Variants in NMNAT1 observed in about 807,000 individuals in gnomAD.
NMNAT1 encodes the protein nicotinamide nucleotide adenylyltransferase 1, also known as nicotinamide/nicotinic acid mononucleotide adenylyltransferase 1.
In NMNAT1, 11 loss-of-function variants were observed where a neutral mutation model predicts 16.7. The observed-to-expected ratio is 0.66, with a 90% CI of 0.41 to 1.09. The LOEUF is 1.09. Ranked by LOEUF, NMNAT1 falls within the 50% of genes least tolerant of loss-of-function variation. The probability of loss-of-function intolerance (pLI) is 0.00; values close to 1 mark genes in which losing one functional copy is unlikely to be tolerated. For missense variants in NMNAT1, 280 were observed against 332.3 expected (o/e 0.84, Z 1.22); for synonymous variants, 110 against 119.8 (o/e 0.92, Z 0.53).
rs6143117 is a variant in NMNAT1 at position 9,968,080 on chromosome 1, G to GTTTTTTTTTTTTTTTTTTTTTTTTT, written c.-56-3929_-56-3928insTTTTTTTTTTTTTTTTTTTTTTTTT. On this transcript the variant is annotated intron_variant, in intron 1 of 4. Coordinates refer to ENST00000377205, the MANE Select transcript of NMNAT1 (RefSeq NM_022787.4). ...TTTGCCAAATGTAGTTTTTTTTTTT[G>GTTTTTTTTTTTTTTTTTTTTTTTTT]TTTTTTTTTGAGATGGAGTCTCGCT... is the stretch of plus-strand genomic sequence containing the variant. Among the ~76,000 whole-genome samples the GTTTTTTTTTTTTTTTTTTTTTTTTT allele has an allele frequency of 1.1e-4, 13 of 117,804 alleles. 1 individual carries two copies. The highest frequency in any genetic ancestry group is 1.7e-4 in the Non-Finnish European group (10 of 58,770). The allele number at this position is 117,804 out of a possible 152,430, so 77.3% of individuals were successfully genotyped here. A position where few individuals can be genotyped will look rare whatever the true frequency, so the allele number is the denominator to read the frequency against.
upstream of NMNAT1, chr1:9,943,107 C>T (rs963093370): frequency 1.1e-5 from 2 of 183,098 alleles, no homozygotes; most frequent in African/African-American, 2.3e-5. Flanking sequence ...AGAATCAGCT[C>T]CGGCCACCGC....
chr1:9,982,350 T>G lies in NMNAT1; in HGVS notation c.489T>G (p.Phe163Leu). The G allele has an allele frequency of 6.2e-7, 1 of 1,614,206 alleles. No homozygotes were observed. The highest frequency in any genetic ancestry group is 8.5e-7 in the Non-Finnish European group (1 of 1,180,032). Reference protein sequence around the residue: ...LLCGADLLESFAVPNLWKSED... With the variant: ...LLCGADLLESLAVPNLWKSED... Reference sequence around the variant, plus strand: ...GTGGGGCAGATTTATTGGAGTCCTTTGCTGTTCCCAATTTGTGGAAGAGTG... The same window carrying G: ...GTGGGGCAGATTTATTGGAGTCCTTGGCTGTTCCCAATTTGTGGAAGAGTG... The change falls in exon 5 of 5, where the codon TTT becomes TTG. Residue 163 changes from phenylalanine (F) to leucine (L), a missense_variant. Phe to Leu is a conservative substitution (Grantham distance 22). Coordinates refer to ENST00000377205, the MANE Select transcript of NMNAT1 (RefSeq NM_022787.4).
At chr1:9,977,678 C>T (rs1184143580) in intron 3 of NMNAT1, among the ~76,000 whole-genome samples, 4 of 151,772 alleles carry the variant, frequency 2.6e-5, no homozygotes, top group African/African-American at 9.7e-5. Flanking sequence ...ACAAGCCTGG[C>T]CAACATGGTG....
At chr1:9,995,149 C>T in the NMNAT1 span, among the ~76,000 whole-genome samples, 1 of 152,102 alleles carries the variant, frequency 6.6e-6, no homozygotes, top group African/African-American at 2.4e-5. Context: ...GTAATCCCAG[C>T]ACTTTGGGAG....
intron 4 of NMNAT1, 46 bp downstream of exon 4, chr1:9,981,216 C>G: frequency 1.3e-6 from 2 of 1,575,820 alleles, no homozygotes; most frequent in South Asian, 1.2e-5. Context: ...TGATAAGATT[C>G]TGTAGCTGAG....
chr1:9,980,903 A>C (rs899760339), intron 3 of NMNAT1, 128 bp from the exon 4 acceptor site: 12 of 936,772 alleles, frequency 1.3e-5, no homozygotes, highest in Non-Finnish European at 1.6e-5. Flanking sequence ...TGATCCGCCC[A>C]CCTCGGCCTC....
chr1:9,996,181 G>C, the NMNAT1 span, among the ~76,000 whole-genome samples: 5 of 151,260 alleles, frequency 3.3e-5, no homozygotes, highest in African/African-American at 1.2e-4. Context: ...CGTGTTGGCG[G>C]GCGCCTGTAG....
chr1:9,967,221 C>A (rs988740377), intron 1 of NMNAT1, among the ~76,000 whole-genome samples: 1 of 151,686 alleles, frequency 6.6e-6, no homozygotes, highest in Non-Finnish European at 1.5e-5. Flanking sequence ...GAAACTAAGT[C>A]CCCCCGGCTC....
At chr1:9,989,166 T>C (rs1642080696), downstream of NMNAT1, among the ~76,000 whole-genome samples, 1 of 151,966 alleles carries the variant, frequency 6.6e-6, no homozygotes, top group Non-Finnish European at 1.5e-5. Flanking sequence ...CCTGTGCCCA[T>C]GAAAACCCCA....
At chr1:9,951,104 AGAG>A (rs1641098597) in intron 1 of NMNAT1, 1 of 151,710 alleles carries the variant, frequency 6.6e-6, no homozygotes, top group Non-Finnish European at 1.5e-5. Flanking sequence ...AAAAAAAAAA[AGAG>A]GAACTAGAGC....
chr1:9,960,160 T>C (rs1192521346), intron 1 of NMNAT1, among the ~76,000 whole-genome samples: 7 of 152,126 alleles, frequency 4.6e-5, no homozygotes, highest in Non-Finnish European at 1.0e-4. Context: ...TGGCGTGTGC[T>C]TGTAGTACTA....
chr1:9,987,609 C>T (rs1310772652), downstream of NMNAT1, among the ~76,000 whole-genome samples: 3 of 152,008 alleles, frequency 2.0e-5, no homozygotes, highest in East Asian at 5.8e-4. Context: ...CACTGCACTA[C>T]AGCCTGGGTG....
intron 3 of NMNAT1, among the ~76,000 whole-genome samples, chr1:9,980,131 A>G (rs1261565731): frequency 6.6e-6 from 1 of 151,718 alleles, no homozygotes; most frequent in East Asian, 2.0e-4. Context: ...GGGTTTCTCC[A>G]TGTTGGTCAG....
chr1:9,965,228 A>G (rs539182281), intron 1 of NMNAT1, among the ~76,000 whole-genome samples: 23 of 148,314 alleles, frequency 1.6e-4, no homozygotes, highest in Non-Finnish European at 6.0e-5. Flanking sequence ...GAGGCAGGAG[A>G]ATCGCTTGAA....
chr1:9,961,489 C>T (rs748202880), intron 1 of NMNAT1, among the ~76,000 whole-genome samples: 7 of 152,084 alleles, frequency 4.6e-5, no homozygotes, highest in Non-Finnish European at 1.0e-4. Flanking sequence ...GTACTATGGG[C>T]ATGTCGCATT....
chr1:9,982,621 T>C lies in NMNAT1; in HGVS notation c.760T>C (p.Tyr254His). 1 of 1,614,162 alleles carries C rather than the reference T, an allele frequency of 6.2e-7. No individual in the cohort carries two copies. The highest frequency in any genetic ancestry group is 1.3e-5 in the African/African-American group (1 of 75,054). The change falls in exon 5 of 5, where the codon TAC (tyrosine) becomes CAC (histidine). Residue 254 changes from tyrosine (Y) to histidine (H), a missense_variant. Transcript: ENST00000377205. The part of the protein sequence containing the change: ...VQEYIEKHNL[Y>H]SSESEDRNAG... ...AGAATACATTGAAAAGCATAATTTGTACAGCTCTGAGAGTGAAGACAGGAA... is the reference window on the plus strand; with the variant it reads ...AGAATACATTGAAAAGCATAATTTGCACAGCTCTGAGAGTGAAGACAGGAA...
chr1:9,986,200 A>G (rs1642043563), downstream of NMNAT1, among the ~76,000 whole-genome samples: 1 of 152,332 alleles, frequency 6.6e-6, no homozygotes, highest in Middle Eastern at 3.4e-3. Flanking sequence ...TGACAATTAC[A>G]TTGTAAAACA....
intron 2 of NMNAT1, among the ~76,000 whole-genome samples, chr1:9,973,924 A>G (rs947617492): frequency 2.0e-5 from 3 of 150,746 alleles, no homozygotes; most frequent in Non-Finnish European, 4.4e-5. Flanking sequence ...TGCAACCTCC[A>G]CCTCCTGGAT....
At chr1:9,950,741 C>G (rs774806203) in intron 1 of NMNAT1, 1 of 152,448 alleles carries the variant, frequency 6.6e-6, no homozygotes, top group South Asian at 2.1e-4. Flanking sequence ...CCCCTCCCCC[C>G]GTTTTCTTTG....
Sources: allele counts gnomAD v4.1 joint callset (sites outside exome capture counted in the v4.1 genomes callset), GRCh38; gene constraint gnomAD v4.1.1; transcripts MANE v1.5; gene names NCBI Gene and HGNC (gene_info 2026-07-23, HGNC 2026-07-21).